The following MAMDC2 variants were observed in gnomAD, a reference collection of about 807,000 sequenced individuals.
MAMDC2 encodes MAM domain-containing protein 2.
Under a neutral mutation model 89.8 loss-of-function variants are expected in MAMDC2, and 57 were observed. The ratio of observed to expected loss-of-function variants is 0.63; its 90% CI spans 0.51 to 0.79. The LOEUF is 0.79. MAMDC2 is among the 30% of genes least tolerant of loss of function. The probability of loss-of-function intolerance (pLI) is 0.00; values close to 1 mark genes in which losing one functional copy is unlikely to be tolerated. For missense variants in MAMDC2, 800 were observed against 820.6 expected (o/e 0.97, Z 0.31); for synonymous variants, 313 against 293.4 (o/e 1.07, Z -0.68).
chr9:70,203,841 A>G (rs2118640448), intron 11 of MAMDC2, among the ~76,000 whole-genome samples: 2 of 119,014 alleles, frequency 1.7e-5, no homozygotes, highest in South Asian at 6.9e-4. Flanking sequence ...CTTCCAGTTG[A>G]TCGCATCGGC....
intron 11 of MAMDC2, among the ~76,000 whole-genome samples, chr9:70,199,065 T>G (rs1021591587): frequency 5.9e-5 from 9 of 152,098 alleles, no homozygotes; most frequent in African/African-American, 2.2e-4. Context: ...GTTTGTTTTT[T>G]TTTTATTATA....
intron 2 of MAMDC2, among the ~76,000 whole-genome samples, chr9:70,052,610 A>G (rs2117990234): frequency 6.6e-6 from 1 of 152,322 alleles, no homozygotes; most frequent in South Asian, 2.1e-4. Flanking sequence ...TCACCTCATC[A>G]GACTGTTATG....
intron 5 of MAMDC2, 127 bp downstream of exon 5, chr9:70,113,259 A>G: frequency 9.6e-7 from 1 of 1,046,562 alleles, no homozygotes; most frequent in Non-Finnish European, 1.4e-6. Flanking sequence ...GGTGAGTAGG[A>G]ACTAAGTAGG....
chr9:70,198,221 T>C (rs1285176247), intron 11 of MAMDC2, among the ~76,000 whole-genome samples: 1 of 150,802 alleles, frequency 6.6e-6, no homozygotes, highest in Non-Finnish European at 1.5e-5. Context: ...TAATAAAGTT[T>C]AATTTACAAG....
At chr9:70,061,287 G>A (rs1183257923) in intron 2 of MAMDC2, among the ~76,000 whole-genome samples, 1 of 152,176 alleles carries the variant, frequency 6.6e-6, no homozygotes, top group East Asian at 1.9e-4. Flanking sequence ...GGAAGCAGAA[G>A]TTTCTGTTGG....
At chr9:70,109,595 C>CTGAG in intron 3 of MAMDC2, 125 bp from the exon 4 acceptor site, 1 of 724,150 alleles carries the variant, frequency 1.4e-6, no homozygotes, top group Admixed American at 2.3e-5. Flanking sequence ...TAGCAATTAG[C>CTGAG]TGAGACTAAC....
Position 70,221,839 on chromosome 9 carries a change from C to T in MAMDC2, c.1911+3243C>T, listed in dbSNP as rs141635440. 3.4e-4 allele frequency among the ~76,000 whole-genome samples: 52 copies of T among 152,020 alleles called. 1 individual carries two copies. Among genetic ancestry groups the T allele is most frequent in the African/African-American group, 1.2e-3 (49 of 41,460 alleles). On this transcript the variant is annotated intron_variant, in intron 12 of 13. Coordinates refer to ENST00000377182, the MANE Select transcript of MAMDC2 (RefSeq NM_153267.5). The stretch of plus-strand genomic sequence containing the variant: ...AAGAGGAAGAAGAAGTCAAGTTGAT[C>T]AAGTGGTGAGGTCAAAGAAGTATTG...
At chr9:70,193,302 G>C (rs796382901) in intron 11 of MAMDC2, among the ~76,000 whole-genome samples, 12 of 152,110 alleles carry the variant, frequency 7.9e-5, no homozygotes, top group African/African-American at 2.9e-4. Context: ...TTCCATGGAG[G>C]ATATATTCTA....
chr9:70,201,838 C>T lies in MAMDC2; in HGVS notation c.1652-16499C>T, dbSNP rs1046862835. Among the ~76,000 whole-genome samples, 18 of 142,714 alleles carry T rather than the reference C, an allele frequency of 1.3e-4. 1 individual carries two copies. Among genetic ancestry groups the T allele is most frequent in the African/African-American group, 2.7e-4 (10 of 37,090 alleles). 93.6% of individuals were successfully genotyped at this position (142,714 alleles called of 152,430 possible). A position where few individuals can be genotyped will look rare whatever the true frequency, so the allele number is the denominator to read the frequency against. ...TCTTCTAGATTTTCTAGTTTATTTG[C>T]GTAGAGGTGTTTGTAGTATTCTCTG... On this transcript the variant is annotated intron_variant, in intron 11 of 13. Transcript: ENST00000377182.
At chr9:70,103,947 A>C (rs1322477422) in intron 2 of MAMDC2, among the ~76,000 whole-genome samples, 1 of 151,940 alleles carries the variant, frequency 6.6e-6, no homozygotes, top group Non-Finnish European at 1.5e-5. Flanking sequence ...ACGCCACTGC[A>C]TTCCAGCCTG....
At chr9:70,101,128 CT>C (rs1408114149) in intron 2 of MAMDC2, among the ~76,000 whole-genome samples, 21 of 152,136 alleles carry the variant, frequency 1.4e-4, no homozygotes, top group African/African-American at 5.1e-4. Context: ...ATGTTTGTGT[CT>C]TTGTTTTTAA....
chr9:70,101,723 A>G (rs1394389541), intron 2 of MAMDC2, among the ~76,000 whole-genome samples: 1 of 152,202 alleles, frequency 6.6e-6, no homozygotes. Flanking sequence ...AGTACACTCT[A>G]TAATACCTGC....
chr9:70,140,289 G>C lies in MAMDC2; in HGVS notation c.1138+1G>C, dbSNP rs1200107849. On this transcript the variant is annotated splice_donor_variant, in intron 8 of 13. Coordinates refer to ENST00000377182, the MANE Select transcript of MAMDC2 (RefSeq NM_153267.5). LOFTEE classifies it high-confidence loss of function. ...GCTGGAGACCACACTACAGGCTTAGGTAAATCAGAGATCTGTCTATGTGGG... is the reference window on the plus strand; with the variant it reads ...GCTGGAGACCACACTACAGGCTTAGCTAAATCAGAGATCTGTCTATGTGGG... The C allele has an allele frequency of 1.9e-6, 3 of 1,594,410 alleles. No homozygotes were observed. The highest frequency in any genetic ancestry group is 2.6e-6 in the Non-Finnish European group (3 of 1,172,904).
chr9:70,181,186 C>T (rs536794137), intron 11 of MAMDC2, among the ~76,000 whole-genome samples: 8 of 152,124 alleles, frequency 5.3e-5, no homozygotes, highest in Middle Eastern at 3.4e-3. Context: ...ATTTCTGAGG[C>T]CTCTGTTCTG....
At chr9:70,049,316 T>C (rs1034756664) in intron 2 of MAMDC2, among the ~76,000 whole-genome samples, 2 of 152,162 alleles carry the variant, frequency 1.3e-5, no homozygotes, top group African/African-American at 4.8e-5. Flanking sequence ...CCTTCTCTTT[T>C]AAGGACACTC....
intron 9 of MAMDC2, among the ~76,000 whole-genome samples, chr9:70,166,608 T>C (rs549954147): frequency 6.6e-6 from 1 of 152,298 alleles, no homozygotes; most frequent in East Asian, 1.9e-4. Flanking sequence ...AATTGTGCCG[T>C]AGTTCATTTA....
At chr9:70,183,948 G>A (rs2032697216) in intron 11 of MAMDC2, among the ~76,000 whole-genome samples, 2 of 152,176 alleles carry the variant, frequency 1.3e-5, no homozygotes, top group Admixed American at 6.5e-5. Context: ...TATTGTGGCT[G>A]TTACTTGATG....
At position 70,218,461 on chromosome 9, in the gene MAMDC2, G is replaced by C. The variant is rs200973856; in HGVS notation, c.1776G>C (p.Gly592=). 6.2e-7 allele frequency: 1 copy of C among 1,614,168 alleles called. No individual in the cohort carries two copies. The highest frequency in any genetic ancestry group is 2.2e-5 in the East Asian group (1 of 44,880). The change falls in exon 12 of 14, where the codon GGG becomes GGC. Residue 592 remains glycine (G), a synonymous_variant. Transcript: ENST00000377182. Reference sequence around the variant, plus strand: ...CCTTTTTCTACCACATGTATGGAGGGGGCACTGGCCTGCTGAGTGTTTATC... The same window carrying C: ...CCTTTTTCTACCACATGTATGGAGGCGGCACTGGCCTGCTGAGTGTTTATC... ...CLTFFYHMYG[G]GTGLLSVYLK...
chr9:70,044,241 G>C lies in MAMDC2; in HGVS notation c.34+10G>C. 1.2e-6 allele frequency: 2 copies of C among 1,612,216 alleles called. No homozygotes were observed. The highest frequency in any genetic ancestry group is 8.5e-7 in the Non-Finnish European group (1 of 1,179,862). ...CTCCTGGCGTTGCAAGGTAAGGCCT[G>C]GACCCCGGGACAACCCCGGGGGCGC... On this transcript the variant is annotated intron_variant, in intron 1 of 13. Transcript: ENST00000377182.
Sources: gnomAD v4.1 joint callset for allele counts (sites outside exome capture counted in the v4.1 genomes callset) on GRCh38, gnomAD v4.1.1 for gene constraint, MANE v1.5 for transcripts, NCBI Gene and HGNC (gene_info 2026-07-23, HGNC 2026-07-21) for gene names.